The following PCDHA4 variants were observed in gnomAD, a reference collection of about 807,000 sequenced individuals.
PCDHA4 encodes the protein protocadherin alpha-4.
Under a neutral mutation model 61.4 loss-of-function variants are expected in PCDHA4, and 49 were observed. The observed-to-expected ratio is 0.80, with a 90% CI of 0.63 to 1.01. The LOEUF is 1.01. PCDHA4 is among the 50% of genes least tolerant of loss of function. The probability of loss-of-function intolerance (pLI) is 0.00; values close to 1 mark genes in which losing one functional copy is unlikely to be tolerated. For missense variants in PCDHA4, 1,254 were observed against 1,235.8 expected (o/e 1.01, Z -0.22); for synonymous variants, 590 against 550.3 (o/e 1.07, Z -1.01).
intron 1 of PCDHA4, chr5:140,852,488 G>A (rs1554145834): frequency 4.7e-6 from 1 of 213,506 alleles, no homozygotes; most frequent in African/African-American, 2.4e-5. Context: ...ATGTTGGCCA[G>A]GTTGGTCTCG....
chr5:140,846,192 T>C (rs1293745593), intron 1 of PCDHA4, among the ~76,000 whole-genome samples: 1 of 149,496 alleles, frequency 6.7e-6, no homozygotes, highest in Non-Finnish European at 1.5e-5. Flanking sequence ...TTGAGTTCTT[T>C]GTATGTATGA....
At chr5:140,829,087 TC>T in intron 1 of PCDHA4, 2 of 1,611,204 alleles carry the variant, frequency 1.2e-6, no homozygotes, top group South Asian at 2.2e-5. Flanking sequence ...CCATGGCGGG[TC>T]ATTGCACCGT....
At chr5:140,998,273 A>G (rs1448303020) in intron 3 of PCDHA4, among the ~76,000 whole-genome samples, 1 of 152,216 alleles carries the variant, frequency 6.6e-6, no homozygotes, top group East Asian at 1.9e-4. Context: ...ACTGACACCC[A>G]TAGGATTAAA....
intron 1 of PCDHA4, chr5:140,968,523 A>G (rs1441549667): frequency 8.1e-6 from 13 of 1,613,762 alleles, no homozygotes; most frequent in African/African-American, 1.3e-5. Flanking sequence ...ACCTCAACCA[A>G]CTCGTCAGCA....
chr5:140,834,456 G>A (rs2150218651), intron 1 of PCDHA4: 5 of 1,614,148 alleles, frequency 3.1e-6, no homozygotes, highest in Non-Finnish European at 4.2e-6. Context: ...AGCAGCTTGG[G>A]AGGCAGGGAG....
At chr5:140,843,524 G>T in intron 1 of PCDHA4, 1 of 1,595,982 alleles carries the variant, frequency 6.3e-7, no homozygotes, top group South Asian at 1.1e-5. Flanking sequence ...GTGCCGGGCG[G>T]GCAAGCCCAC....
In PCDHA4 at chr5:140,809,578, T is replaced by C. The variant is rs1295072007; in HGVS notation, c.2385+6T>C. On this transcript the variant is annotated splice_donor_region_variant and intron_variant, in intron 1 of 3. Coordinates refer to ENST00000530339, the MANE Select transcript of PCDHA4 (RefSeq NM_018907.4). ...CTGAGGAATCCTTTGCAAAGGTTAG[T>C]GTATAACATCCTTTTGTTTAATTTT... 1 of 1,570,600 alleles carries C rather than the reference T, an allele frequency of 6.4e-7. No homozygotes were observed.
At chr5:140,842,234 C>T (rs2150332362) in intron 1 of PCDHA4, 8 of 1,612,528 alleles carry the variant, frequency 5.0e-6, no homozygotes, top group Admixed American at 1.7e-5. Context: ...AATAGTGATT[C>T]GGGGTAATTT....
At position 140,807,095 on chromosome 5, in the gene PCDHA4, G is replaced by A; in HGVS notation, c.-93G>A. On this transcript the variant is annotated 5_prime_UTR_variant, in exon 1 of 4. An upstream start codon of the reference 5' UTR is lost. Transcript: ENST00000530339. ...ATACACTCTTTGGAGTCTGAAATAT[G>A]GAGGATGCAGCTGCACTTGACTGAC... is the stretch of plus-strand genomic sequence containing the variant. 7.2e-7 allele frequency: 1 copy of A among 1,383,826 alleles called. No homozygotes were observed. Among genetic ancestry groups the A allele is most frequent in the Non-Finnish European group, 9.9e-7 (1 of 1,007,916 alleles). The allele number at this position is 1,383,826 out of a possible 1,614,324, so 85.7% of individuals were successfully genotyped here. A position where few individuals can be genotyped will look rare whatever the true frequency, so the allele number is the denominator to read the frequency against.
At chr5:140,966,528 G>T (rs567098369) in intron 1 of PCDHA4, 235 of 446,634 alleles carry the variant, frequency 5.3e-4, no homozygotes, top group Non-Finnish European at 7.8e-4. Context: ...AGCCGAGCCG[G>T]GTTGAGCGAC....
At chr5:140,995,000 T>A (rs149795080) in intron 3 of PCDHA4, among the ~76,000 whole-genome samples, 1 of 152,328 alleles carries the variant, frequency 6.6e-6, no homozygotes, top group African/African-American at 2.4e-5. Flanking sequence ...GTTAGTTGGT[T>A]TGTTTATATT....
chr5:140,882,972 T>C, intron 1 of PCDHA4: 1 of 1,614,190 alleles, frequency 6.2e-7, no homozygotes, highest in Non-Finnish European at 8.5e-7. Context: ...ATTCTGGACG[T>C]GAATGACAAC....
intron 1 of PCDHA4, 60 bp downstream of exon 1, chr5:140,809,632 G>C (rs782493933): frequency 6.7e-7 from 1 of 1,502,482 alleles, no homozygotes; most frequent in Non-Finnish European, 8.9e-7. Flanking sequence ...CAACTTCTTC[G>C]TAAATTTATT....
At chr5:140,869,752 G>A (rs1398153775) in intron 1 of PCDHA4, 17 of 1,613,136 alleles carry the variant, frequency 1.1e-5, no homozygotes, top group African/African-American at 1.3e-5. Context: ...AGCTACAGAC[G>A]GGGGAAAACC....
At chr5:140,892,827 A>G (rs1304427197) in intron 1 of PCDHA4, among the ~76,000 whole-genome samples, 3 of 152,188 alleles carry the variant, frequency 2.0e-5, no homozygotes, top group African/African-American at 7.2e-5. Context: ...ACAGTGCTAC[A>G]GTGCTGCAAA....
intron 1 of PCDHA4, chr5:140,850,153 T>A: frequency 1.3e-6 from 2 of 1,595,316 alleles, no homozygotes; most frequent in Non-Finnish European, 1.7e-6. Context: ...ACGCTGCAGG[T>A]GTTCGTGCTG....
At chr5:140,853,695 C>T (rs376697449) in intron 1 of PCDHA4, 1 of 988,266 alleles carries the variant, frequency 1.0e-6, no homozygotes, top group African/African-American at 1.8e-5. Context: ...CTTAGACCTG[C>T]TAACGCATTA....
At chr5:140,923,373 T>A (rs1354356076) in intron 1 of PCDHA4, among the ~76,000 whole-genome samples, 4 of 152,048 alleles carry the variant, frequency 2.6e-5, no homozygotes, top group South Asian at 2.1e-4. Flanking sequence ...AAAATATTTT[T>A]AAAAATTAGT....
intron 2 of PCDHA4, among the ~76,000 whole-genome samples, chr5:140,979,611 C>T (rs549836811): frequency 5.9e-5 from 9 of 152,266 alleles, no homozygotes; most frequent in South Asian, 2.1e-4. Flanking sequence ...CCTAGAGTAA[C>T]GGTATTAGTC....
Sources: allele counts gnomAD v4.1 joint callset (sites outside exome capture counted in the v4.1 genomes callset), GRCh38; gene constraint gnomAD v4.1.1; transcripts MANE v1.5; gene names NCBI Gene and HGNC (gene_info 2026-07-23, HGNC 2026-07-21).